Variants in WWOX observed in about 807,000 individuals in gnomAD.
WWOX encodes WW domain-containing oxidoreductase.
WWOX carries 69 observed loss-of-function variants against 46.2 expected under a neutral mutation model. The ratio of observed to expected loss-of-function variants is 1.49; its 90% CI spans 1.23 to 1.82. The LOEUF (loss-of-function observed/expected upper bound fraction) is 1.82. WWOX is among the 40% of genes most tolerant of loss of function. The pLI, the probability that WWOX is intolerant of heterozygous loss-of-function variation, is 0.00. For synonymous variants in WWOX, 359 were observed against 202.6 expected, an observed-to-expected ratio of 1.77 and a Z score of -6.56; for missense variants, 919 against 542.6, an observed-to-expected ratio of 1.69 and a Z score of -6.89.
At chr16:78,457,493 C>G (rs1356813859) in intron 8 of WWOX, among the ~76,000 whole-genome samples, 1 of 152,110 alleles carries the variant, frequency 6.6e-6, no homozygotes, top group Non-Finnish European at 1.5e-5. Context: ...ACTGTTGATT[C>G]TTTTTTTCAT....
chr16:78,801,018 A>T (rs535085861), intron 8 of WWOX, among the ~76,000 whole-genome samples: 1 of 151,942 alleles, frequency 6.6e-6, no homozygotes, highest in South Asian at 2.1e-4. Flanking sequence ...TTCATGCTCC[A>T]CTTTTCTGGG....
intron 8 of WWOX, among the ~76,000 whole-genome samples, chr16:78,951,486 A>G (rs8063389): frequency 0.033 from 4,962 of 148,850 alleles, 288 homozygotes; most frequent in African/African-American, 0.12. Context: ...TCCACACCAT[A>G]TAGACTGTGA....
At chr16:78,509,307 G>C (rs1163737663) in intron 8 of WWOX, among the ~76,000 whole-genome samples, 1 of 152,114 alleles carries the variant, frequency 6.6e-6, no homozygotes, top group South Asian at 2.1e-4. Context: ...GAGCGTGATG[G>C]CCAGCACCTG....
chr16:78,327,620 C>A (rs1475995568), intron 5 of WWOX, among the ~76,000 whole-genome samples: 1 of 152,162 alleles, frequency 6.6e-6, no homozygotes, highest in African/African-American at 2.4e-5. Flanking sequence ...TGCCATGACA[C>A]AGAGATTCCA....
At chr16:78,984,824 G>T (rs1333310765) in intron 8 of WWOX, among the ~76,000 whole-genome samples, 4 of 152,202 alleles carry the variant, frequency 2.6e-5, no homozygotes, top group Non-Finnish European at 5.9e-5. Flanking sequence ...AACGTGTGCA[G>T]GGGATGTAAC....
rs76302562 is a variant in WWOX at position 78,335,250 on chromosome 16, C to A, written c.517-51610C>A. Reference sequence around the variant, plus strand: ...CTTATCACCTGGATATGAAGCCCAGCGTCCATTAGCTGTTGTTGCTGATGC... The same window carrying A: ...CTTATCACCTGGATATGAAGCCCAGAGTCCATTAGCTGTTGTTGCTGATGC... On this transcript the variant is annotated intron_variant, in intron 5 of 8. Coordinates refer to ENST00000566780, the MANE Select transcript of WWOX (RefSeq NM_016373.4). 3.8e-4 allele frequency among the ~76,000 whole-genome samples: 58 copies of A among 152,280 alleles called. No homozygotes were observed. The East Asian group carries it at 9.9e-3, about 26-fold the overall frequency.
intron 5 of WWOX, among the ~76,000 whole-genome samples, chr16:78,205,399 A>G (rs867710852): frequency 6.6e-6 from 1 of 151,992 alleles, no homozygotes; most frequent in South Asian, 2.1e-4. Flanking sequence ...TATCCATCCA[A>G]CCGTCCTTGC....
intron 1 of WWOX, 193 bp downstream of exon 1, chr16:78,100,078 G>C: frequency 2.9e-6 from 4 of 1,389,004 alleles, no homozygotes; most frequent in Non-Finnish European, 3.7e-6. Flanking sequence ...CTCGGGTCCA[G>C]CGGGGGTCAC....
chr16:78,704,591 TAGG>T (rs1411999165), intron 8 of WWOX, among the ~76,000 whole-genome samples: 1 of 152,160 alleles, frequency 6.6e-6, no homozygotes, highest in East Asian at 1.9e-4. Context: ...AAATTTCCAT[TAGG>T]AGATTTGCAC....
rs146086378 is a variant in WWOX, at chr16:79,052,943, C to A, written c.1057-158665C>A. 6.0e-5 allele frequency among the ~76,000 whole-genome samples: 7 copies of A among 116,840 alleles called. No homozygotes were observed. The South Asian group carries it at 8.6e-4, about 14-fold the overall frequency. 76.7% of individuals were successfully genotyped at this position (116,840 alleles called of 152,430 possible). On this transcript the variant is annotated intron_variant, in intron 8 of 8. Transcript: ENST00000566780. The stretch of plus-strand genomic sequence containing the variant: ...GTTGATCTCACTGATTCATGGGGAC[C>A]CTGGGAGTATGTTTGTGTATTTGGG...
chr16:78,950,777 C>T (rs1360758074), intron 8 of WWOX, among the ~76,000 whole-genome samples: 1 of 152,136 alleles, frequency 6.6e-6, no homozygotes, highest in East Asian at 1.9e-4. Context: ...CTACTGGCAT[C>T]ATGCCTAGGA....
chr16:78,849,137 C>A (rs951529322), intron 8 of WWOX, among the ~76,000 whole-genome samples: 3 of 152,176 alleles, frequency 2.0e-5, no homozygotes, highest in Non-Finnish European at 4.4e-5. Flanking sequence ...TCAACATTAA[C>A]TGTGTACCCC....
At chr16:78,852,160 C>T (rs1258450721) in intron 8 of WWOX, among the ~76,000 whole-genome samples, 1 of 152,164 alleles carries the variant, frequency 6.6e-6, no homozygotes, top group Non-Finnish European at 1.5e-5. Context: ...AAGAGCATGG[C>T]ACTGTCTAGA....
intron 8 of WWOX, among the ~76,000 whole-genome samples, chr16:78,627,576 A>G (rs553912407): frequency 2.6e-5 from 4 of 152,208 alleles, no homozygotes; most frequent in Non-Finnish European, 5.9e-5. Flanking sequence ...AATCACAGAG[A>G]AAAGGAGAAG....
chr16:78,684,020 G>C (rs919033051), intron 8 of WWOX, among the ~76,000 whole-genome samples: 1 of 152,142 alleles, frequency 6.6e-6, no homozygotes, highest in Admixed American at 6.5e-5. Flanking sequence ...AGCTGATTCT[G>C]CTGCTGCTGG....
intron 8 of WWOX, among the ~76,000 whole-genome samples, chr16:78,617,040 T>C (rs1189754133): frequency 6.6e-6 from 1 of 152,178 alleles, no homozygotes; most frequent in Non-Finnish European, 1.5e-5. Context: ...TTGCCATGCA[T>C]CTCTAACATG....
chr16:78,745,147 T>C (rs886370334), intron 8 of WWOX, among the ~76,000 whole-genome samples: 1 of 152,214 alleles, frequency 6.6e-6, no homozygotes, highest in African/African-American at 2.4e-5. Context: ...AATATGAACA[T>C]GCCTCTGTCT....
chr16:78,514,878 A>G (rs1471203171), intron 8 of WWOX, among the ~76,000 whole-genome samples: 2 of 152,188 alleles, frequency 1.3e-5, no homozygotes, highest in Non-Finnish European at 2.9e-5. Flanking sequence ...ATACAGCCCC[A>G]TAAAGTGAAG....
intron 8 of WWOX, among the ~76,000 whole-genome samples, chr16:78,646,452 A>G (rs1055881663): frequency 2.6e-5 from 4 of 151,838 alleles, no homozygotes; most frequent in Admixed American, 6.6e-5. Flanking sequence ...TTTTGAGACA[A>G]AGTTTCACTC....
Sources: gnomAD v4.1 joint callset for allele counts (sites outside exome capture counted in the v4.1 genomes callset) on GRCh38, gnomAD v4.1.1 for gene constraint, MANE v1.5 for transcripts, NCBI Gene and HGNC (gene_info 2026-07-23, HGNC 2026-07-21) for gene names.